Variants in TOP6BL observed in about 807,000 individuals in gnomAD.
The protein encoded by TOP6BL is TOP6B like initiator of meiotic double strand breaks.
the TOP6BL span, among the ~76,000 whole-genome samples, chr11:66,792,644 A>G: frequency 6.6e-6 from 1 of 152,178 alleles, no homozygotes; most frequent in Non-Finnish European, 1.5e-5. Context: ...CAAATTAATT[A>G]GCTTATTGAG....
chr11:66,744,960 AGGAGAC>A, the TOP6BL span: 5 of 1,244,634 alleles, frequency 4.0e-6, no homozygotes, highest in Non-Finnish European at 5.1e-6. Flanking sequence ...ACACTTTCTG[AGGAGAC>A]GGGCTTTGTG....
At chr11:66,789,734 C>T in the TOP6BL span, among the ~76,000 whole-genome samples, 1 of 152,214 alleles carries the variant, frequency 6.6e-6, no homozygotes, top group Non-Finnish European at 1.5e-5. Context: ...CCTGACAAGT[C>T]TATGAAGTGG....
chr11:66,751,611 A>G, the TOP6BL span, among the ~76,000 whole-genome samples: 1 of 151,626 alleles, frequency 6.6e-6, no homozygotes, highest in African/African-American at 2.4e-5. Context: ...TGCTCGAATT[A>G]TAAGCATGAG....
the TOP6BL span, among the ~76,000 whole-genome samples, chr11:66,779,389 G>C: frequency 6.6e-6 from 1 of 152,076 alleles, no homozygotes; most frequent in Non-Finnish European, 1.5e-5. Context: ...CATTTATGCA[G>C]CCAAAAAAAA....
the TOP6BL span, among the ~76,000 whole-genome samples, chr11:66,781,784 T>A: frequency 1.2e-4 from 18 of 152,178 alleles, no homozygotes; most frequent in Non-Finnish European, 2.5e-4. Flanking sequence ...GCGATCTCCC[T>A]GCCTTGGCCC....
the TOP6BL span, chr11:66,813,747 A>G: frequency 6.6e-6 from 6 of 914,848 alleles, no homozygotes; most frequent in African/African-American, 5.0e-5. Flanking sequence ...AAAAAAAAAA[A>G]GTAACTGCAT....
chr11:66,839,167 G>C, the TOP6BL span: 1 of 456,318 alleles, frequency 2.2e-6, no homozygotes, highest in Non-Finnish European at 4.4e-6. Context: ...AGCAGCAGGG[G>C]TACAGCAGCT....
the TOP6BL span, among the ~76,000 whole-genome samples, chr11:66,807,855 A>T: frequency 6.6e-6 from 1 of 152,230 alleles, no homozygotes; most frequent in Admixed American, 6.5e-5. Context: ...GCAAGGGATA[A>T]CTAGAAGGCT....
At chr11:66,843,069 G>T in the TOP6BL span, 2 of 1,575,330 alleles carry the variant, frequency 1.3e-6, no homozygotes, top group East Asian at 2.3e-5. Flanking sequence ...GCCGCCTGGA[G>T]GTAACTGGGC....
chr11:66,744,819 G>GGGGGGCGGCGGCGGCGGCGGCGGC, the TOP6BL span: 1 of 1,193,766 alleles, frequency 8.4e-7, no homozygotes, highest in African/African-American at 1.6e-5. Context: ...GCTGAGGAGG[G>GGGGGGCGGCGGCGGCGGCGGCGGC]GGCGGCGGCG....
the TOP6BL span, among the ~76,000 whole-genome samples, chr11:66,825,018 C>A: frequency 6.6e-6 from 1 of 151,942 alleles, no homozygotes; most frequent in Non-Finnish European, 1.5e-5. Flanking sequence ...TGAGGAATCG[C>A]CACACTGACT....
chr11:66,819,746 T>C, the TOP6BL span, among the ~76,000 whole-genome samples: 1 of 151,650 alleles, frequency 6.6e-6, no homozygotes, highest in African/African-American at 2.4e-5. Flanking sequence ...CTACTAAAAA[T>C]ACAAAAATTA....
chr11:66,767,149 A>G, the TOP6BL span, among the ~76,000 whole-genome samples: 1 of 152,218 alleles, frequency 6.6e-6, no homozygotes, highest in East Asian at 1.9e-4. Context: ...TCAAGAGGAT[A>G]ATCCCCTCTA....
chr11:66,817,114 C>CGCTAT, the TOP6BL span, among the ~76,000 whole-genome samples: 2 of 151,892 alleles, frequency 1.3e-5, no homozygotes, highest in African/African-American at 4.9e-5. Flanking sequence ...GATTGTACCA[C>CGCTAT]TGCACTTCAG....
At chr11:66,834,293 T>TA in the TOP6BL span, among the ~76,000 whole-genome samples, 1 of 152,132 alleles carries the variant, frequency 6.6e-6, no homozygotes. Context: ...AACCTGGTAA[T>TA]ATTGTTAACA....
chr11:66,838,066 T>C, the TOP6BL span, among the ~76,000 whole-genome samples: 2 of 152,172 alleles, frequency 1.3e-5, no homozygotes, highest in Admixed American at 6.5e-5. Flanking sequence ...ACTTGATGAA[T>C]GGGCACACAG....
chr11:66,808,526 A>G, the TOP6BL span, among the ~76,000 whole-genome samples: 4 of 152,104 alleles, frequency 2.6e-5, no homozygotes, highest in Admixed American at 1.3e-4. Flanking sequence ...CCAGTTTCAA[A>G]AAAAAAAAAA....
At chr11:66,823,247 T>A in the TOP6BL span, among the ~76,000 whole-genome samples, 1 of 132,062 alleles carries the variant, frequency 7.6e-6, no homozygotes, top group East Asian at 2.3e-4. Context: ...TGAGCCGAGA[T>A]CGCCCCATTG....
chr11:66,777,087 CTATATA>C, the TOP6BL span, among the ~76,000 whole-genome samples: 1 of 145,482 alleles, frequency 6.9e-6, no homozygotes, highest in Non-Finnish European at 1.5e-5. Context: ...CTATATATAT[CTATATA>C]TCTATATCTA....
Sources: allele counts gnomAD v4.1 joint callset (sites outside exome capture counted in the v4.1 genomes callset), GRCh38; gene constraint gnomAD v4.1.1; transcripts MANE v1.5; gene names NCBI Gene and HGNC (gene_info 2026-07-23, HGNC 2026-07-21).